SLC47A2: variants seen among roughly 807,000 people sequenced by gnomAD.
SLC47A2 encodes solute carrier family 47 member 2, also known as multidrug and toxin extrusion protein 2.
Under a neutral mutation model 67.7 loss-of-function variants are expected in SLC47A2, and 52 were observed. The ratio of observed to expected loss-of-function variants is 0.77; its 90% CI spans 0.61 to 0.97. The LOEUF (loss-of-function observed/expected upper bound fraction) is 0.97, where lower values mean the gene tolerates loss of function less well. SLC47A2 is among the 50% of genes least tolerant of loss of function. The pLI is 0.00. For synonymous variants in SLC47A2, 278 were observed against 292.9 expected (o/e 0.95, Z 0.52); for missense variants, 676 against 712.3 (o/e 0.95, Z 0.58).
At chr17:19,681,088 C>A (rs1335690024) in intron 15 of SLC47A2, among the ~76,000 whole-genome samples, 1 of 152,146 alleles carries the variant, frequency 6.6e-6, no homozygotes, top group Non-Finnish European at 1.5e-5. Flanking sequence ...TGGCGGGTGC[C>A]TGTAGTCCCA....
rs6146013 is a variant in SLC47A2, at chr17:19,704,822, CTTTTTTTTTTT to C, written c.909+603_909+613del. The C allele has an allele frequency of 2.6e-3, 725 of 274,230 alleles. 6 individuals carry two copies. Among genetic ancestry groups the C allele is most frequent in the South Asian group, 7.5e-3 (84 of 11,250 alleles). The allele number at this position is 274,230 out of a possible 1,614,324, so 17.0% of individuals were successfully genotyped here. ...GTGGCCTGCTGCTCGATGGAATGTG[CTTTTTTTTTTT>C]TTTTTTTTTTGAGACAGAGTCTTAC... On this transcript the variant is annotated intron_variant, in intron 10 of 16. Coordinates refer to ENST00000433844, the MANE Select transcript of SLC47A2 (RefSeq NM_001099646.3).
At chr17:19,715,042 C>T (rs770322803) in intron 2 of SLC47A2, 74 bp downstream of exon 2, 8 of 1,510,002 alleles carry the variant, frequency 5.3e-6, no homozygotes, top group South Asian at 2.2e-5. Flanking sequence ...CCACCCAAGA[C>T]GGGCCCACCC....
chr17:19,685,212 T>C lies in SLC47A2; in HGVS notation c.1165-3542A>G, dbSNP rs2159291. 0.58 allele frequency among the ~76,000 whole-genome samples: 87,354 copies of C among 151,718 alleles called. 25,750 individuals are homozygous for C. Among genetic ancestry groups the C allele is most frequent in the East Asian group, 0.98 (5,037 of 5,120 alleles). On this transcript the variant is annotated intron_variant, in intron 13 of 16. Coordinates refer to ENST00000433844, the MANE Select transcript of SLC47A2 (RefSeq NM_001099646.3). This position sits in a 1 kb window ranked among gnomAD's most constrained non-coding sequence, Gnocchi z 4.5. ...CTTGCTACAACCTCCATCTCCCAGC[T>C]GCCTGCCTTGGCCTCCCAAAGTGCT... is the stretch of plus-strand genomic sequence containing the variant.
Position 19,704,243 on chromosome 17 carries a change from A to G in SLC47A2, c.910-65T>C, listed in dbSNP as rs1490839039. On this transcript the variant is annotated intron_variant, in intron 10 of 16. Transcript: ENST00000433844. ...CCTCCAACCCCTGAAGTCCTGAGCC[A>G]GCCTGGGCCAAGAGGGACGTGAGCG... 3 of 1,388,724 alleles carry G rather than the reference A, an allele frequency of 2.2e-6. No individual in the cohort carries two copies. The African/African-American group carries it at 4.3e-5, about 20-fold the overall frequency. The allele number at this position is 1,388,724 out of a possible 1,614,324, so 86.0% of individuals were successfully genotyped here. A position where few individuals can be genotyped will look rare whatever the true frequency, so the allele number is the denominator to read the frequency against.
At position 19,706,730 on chromosome 17, in the gene SLC47A2, G is replaced by T; in HGVS notation, c.759C>A (p.Gly253=). 6.2e-7 allele frequency: 1 copy of T among 1,610,840 alleles called. No homozygotes were observed. The highest frequency in any genetic ancestry group is 8.5e-7 in the Non-Finnish European group (1 of 1,179,238). The change falls in exon 9 of 17, where the codon GGC becomes GGA. Residue 253 remains glycine, a synonymous_variant. Coordinates refer to ENST00000433844, the MANE Select transcript of SLC47A2 (RefSeq NM_001099646.3). ...TGGGGACAGCCAGGGAGAAGAAGGG[G>T]CCCCAGTCCTGCAGGCACTGGCTGG... ...GWSSQCLQDW[G]PFFSLAVPSM... is the part of the protein sequence containing the mutation.
At chr17:19,702,297 A>G (rs1311627868) in intron 13 of SLC47A2, 3 of 985,370 alleles carry the variant, frequency 3.0e-6, no homozygotes. Flanking sequence ...GCACAGGTCA[A>G]TGTCATGGTC....
In SLC47A2 at chr17:19,685,455, C is replaced by T. The variant is rs894818464; in HGVS notation, c.1165-3785G>A. On this transcript the variant is annotated intron_variant, in intron 13 of 16. Coordinates refer to ENST00000433844, the MANE Select transcript of SLC47A2 (RefSeq NM_001099646.3). The surrounding 1 kb of genome is among the most constrained non-coding windows in gnomAD (Gnocchi z 4.5). ...GATGTGAGGAGCCCCTCTGCCTGGCCGCCCCGTCTGGGAAGTGAGGAGTGC... is the reference window on the plus strand; with the variant it reads ...GATGTGAGGAGCCCCTCTGCCTGGCTGCCCCGTCTGGGAAGTGAGGAGTGC... 3.9e-5 allele frequency among the ~76,000 whole-genome samples: 6 copies of T among 151,992 alleles called. No individual in the cohort carries two copies. The highest frequency in any genetic ancestry group is 1.2e-4 in the African/African-American group (5 of 41,366).
rs199674976 is a variant in SLC47A2 at position 19,705,452 on chromosome 17, G to A, written c.893C>T (p.Ala298Val). Residue 298 changes from alanine to valine, a missense_variant, in exon 10 of 17, where the codon GCC becomes GTC. Ala to Val is a moderately conservative substitution (Grantham distance 64). Coordinates refer to ENST00000433844, the MANE Select transcript of SLC47A2 (RefSeq NM_001099646.3). ...LSAQAVIYEV[A>V]TVTYMIPLGL... ...GAGCCTTACCATGTAGGTCACAGTG[G>A]CCACCTCGTAGATGACAGCCTGGGC... The A allele has an allele frequency of 1.2e-6, 2 of 1,612,278 alleles. No individual in the cohort carries two copies. The highest frequency in any genetic ancestry group is 1.7e-6 in the Non-Finnish European group (2 of 1,179,492).
chr17:19,699,781 C>T (rs2085745705), intron 13 of SLC47A2, among the ~76,000 whole-genome samples: 1 of 152,164 alleles, frequency 6.6e-6, no homozygotes, highest in Non-Finnish European at 1.5e-5. Flanking sequence ...ACTCCCAGAA[C>T]TCTACTAAAA....
At chr17:19,714,262 G>A (rs536681663) in intron 3 of SLC47A2, among the ~76,000 whole-genome samples, 12 of 152,310 alleles carry the variant, frequency 7.9e-5, no homozygotes, top group Admixed American at 5.9e-4. Flanking sequence ...CAGGTCCACC[G>A]TGAAGCTAAA....
chr17:19,706,840 C>A, intron 8 of SLC47A2, 79 bp from the exon 9 acceptor site: 1 of 1,127,504 alleles, frequency 8.9e-7, no homozygotes, highest in East Asian at 2.5e-5. Context: ...CAGGAGGCCC[C>A]TAAACCCCTT....
rs201158769 is a variant in SLC47A2 at position 19,715,229 on chromosome 17, C to A, written c.124-12G>T. Reference sequence around the variant, plus strand: ...ACCTGGAACAGGAACTGGAGGACAGCGGCCAGGTCAGACTCGGGGCCACAG... The same window carrying A: ...ACCTGGAACAGGAACTGGAGGACAGAGGCCAGGTCAGACTCGGGGCCACAG... On this transcript the variant is annotated splice_polypyrimidine_tract_variant and intron_variant, in intron 1 of 16. Transcript: ENST00000433844. 11 of 1,605,898 alleles carry A rather than the reference C, an allele frequency of 6.8e-6. No homozygotes were observed. The highest frequency in any genetic ancestry group is 6.7e-5 in the East Asian group (3 of 44,868).
intron 13 of SLC47A2, among the ~76,000 whole-genome samples, chr17:19,691,344 A>G (rs913740783): frequency 7.9e-5 from 12 of 152,216 alleles, no homozygotes; most frequent in African/African-American, 2.9e-4. Flanking sequence ...TTTGCAAGCA[A>G]CCTAAGTATC....
chr17:19,709,832 G>A (rs1017438188), intron 5 of SLC47A2, among the ~76,000 whole-genome samples: 4 of 151,992 alleles, frequency 2.6e-5, no homozygotes, highest in South Asian at 2.1e-4. Context: ...ATTTCCCCCC[G>A]ACCCAGCCCC....
rs774168871 is a variant in SLC47A2, at chr17:19,713,992, C to T, written c.295-19G>A. ...CGAAGCTCTGCAAAACAGCCCGCCC[C>T]GCGTCAGCCGTTTCCACTGCCCGGG... On this transcript the variant is annotated intron_variant, in intron 3 of 16. Coordinates refer to ENST00000433844, the MANE Select transcript of SLC47A2 (RefSeq NM_001099646.3). 8 of 1,605,592 alleles carry T rather than the reference C, an allele frequency of 5.0e-6. No homozygotes were observed. The highest frequency in any genetic ancestry group is 1.7e-4 in the Middle Eastern group (1 of 5,972).
chr17:19,718,879 A>T (rs117127319), upstream of SLC47A2: 1,426 of 152,252 alleles, frequency 9.4e-3, 40 homozygotes, highest in East Asian at 0.11. Context: ...GTAACTGCAG[A>T]CTCAGCAGCA....
intron 13 of SLC47A2, among the ~76,000 whole-genome samples, chr17:19,697,283 G>A (rs2085685071): frequency 6.6e-6 from 1 of 152,104 alleles, no homozygotes; most frequent in South Asian, 2.1e-4. Context: ...GGGAGACAGA[G>A]CAAGACTCCG....
chr17:19,710,400 C>A (rs1012191579), intron 5 of SLC47A2, among the ~76,000 whole-genome samples: 1 of 151,882 alleles, frequency 6.6e-6, no homozygotes, highest in Non-Finnish European at 1.5e-5. Flanking sequence ...AAAATAGAAA[C>A]CCTGGAAGGG....
chr17:19,706,865 C>A, intron 8 of SLC47A2, 104 bp from the exon 9 acceptor site: 2 of 810,784 alleles, frequency 2.5e-6, no homozygotes, highest in South Asian at 3.4e-5. Flanking sequence ...TCTTCCTGCT[C>A]TGGGGCTTAG....
Sources: gnomAD v4.1 joint callset for allele counts (sites outside exome capture counted in the v4.1 genomes callset) on GRCh38, gnomAD v4.1.1 for gene constraint, Gnocchi (gnomAD v3.1) non-coding constraint, MANE v1.5 for transcripts, NCBI Gene and HGNC (gene_info 2026-07-23, HGNC 2026-07-21) for gene names.